NR6A1: variants seen among roughly 807,000 people sequenced by gnomAD.
NR6A1 encodes nuclear receptor subfamily 6 group A member 1.
NR6A1 carries 7 observed loss-of-function variants against 59.1 expected under a neutral mutation model. That is an observed-to-expected ratio of 0.12 (90% CI 0.07 to 0.22). The LOEUF (loss-of-function observed/expected upper bound fraction) is 0.22. Ranked by LOEUF, NR6A1 falls within the 10% of genes least tolerant of loss-of-function variation. NR6A1 has a pLI of 1.00. For synonymous variants in NR6A1, 243 were observed against 236.1 expected, an observed-to-expected ratio of 1.03 and a Z score of -0.27; for missense variants, 468 against 611.6, an observed-to-expected ratio of 0.77 and a Z score of 2.48.
chr9:124,572,546 A>G (rs1834468171), intron 2 of NR6A1, among the ~76,000 whole-genome samples: 1 of 152,228 alleles, frequency 6.6e-6, no homozygotes, highest in Non-Finnish European at 1.5e-5. Flanking sequence ...TTGAGAACAC[A>G]TGAAGAAAGT....
chr9:124,538,280 T>C lies in NR6A1; in HGVS notation c.636A>G (p.Glu212=), dbSNP rs1233839963. 6.2e-7 allele frequency: 1 copy of C among 1,614,054 alleles called. No homozygotes were observed. The highest frequency in any genetic ancestry group is 1.7e-5 in the Admixed American group (1 of 60,006). Residue 212 remains glutamate, a synonymous_variant, in exon 6 of 10, where the codon GAA becomes GAG. Transcript: ENST00000487099. ...VELNGFMAFR[E]QYMGMSVPPH... is the part of the protein sequence containing the mutation. The stretch of plus-strand genomic sequence containing the variant: ...GAGGCACAGACATTCCCATGTACTG[T>C]TCCCTGAAGGCCATGAATCCATTCA...
intron 2 of NR6A1, among the ~76,000 whole-genome samples, chr9:124,724,097 C>T (rs1263958940): frequency 6.6e-6 from 1 of 152,044 alleles, no homozygotes; most frequent in African/African-American, 2.4e-5. Context: ...AATATCCTTC[C>T]GTTAAAAACA....
intron 2 of NR6A1, among the ~76,000 whole-genome samples, chr9:124,665,693 T>C (rs1040828177): frequency 6.6e-6 from 1 of 152,228 alleles, no homozygotes; most frequent in Admixed American, 6.5e-5. Flanking sequence ...CATGCTATAA[T>C]GATCATGATT....
chr9:124,552,170 G>T (rs568541345), intron 3 of NR6A1, among the ~76,000 whole-genome samples: 15 of 152,310 alleles, frequency 9.8e-5, no homozygotes, highest in African/African-American at 3.6e-4. Context: ...AGTCAAGAAG[G>T]CAACCCATAA....
chr9:124,571,198 G>C (rs1834428487), intron 2 of NR6A1, among the ~76,000 whole-genome samples: 1 of 152,210 alleles, frequency 6.6e-6, no homozygotes, highest in South Asian at 2.1e-4. Context: ...TTCAGCCAGA[G>C]GGAAGAGTAC....
intron 2 of NR6A1, chr9:124,607,237 C>A (rs918160097): frequency 6.6e-6 from 1 of 152,196 alleles, no homozygotes; most frequent in African/African-American, 2.4e-5. Flanking sequence ...CCTAGGAGTT[C>A]TGGGCTATAG....
intron 2 of NR6A1, among the ~76,000 whole-genome samples, chr9:124,637,929 CA>C (rs1836662331): frequency 6.7e-6 from 1 of 149,584 alleles, no homozygotes; most frequent in Admixed American, 6.7e-5. Flanking sequence ...AAGGGAACTC[CA>C]AACTAATTGG....
chr9:124,754,214 CCCA>C (rs1840581020), intron 1 of NR6A1, among the ~76,000 whole-genome samples: 1 of 152,170 alleles, frequency 6.6e-6, no homozygotes, highest in Admixed American at 6.5e-5. Flanking sequence ...TTACTACAGT[CCCA>C]CCATTGTGAG....
rs77538352 is a variant in NR6A1 at position 124,702,807 on chromosome 9, G to A, written c.142+30501C>T. On this transcript the variant is annotated intron_variant, in intron 2 of 9. Transcript: ENST00000487099. The stretch of plus-strand genomic sequence containing the variant: ...GGTACCATACCTTGTCTCCAGAACC[G>A]TAAGTCAAATAAACCTCTTCATAAA... 3.5e-3 allele frequency among the ~76,000 whole-genome samples: 527 copies of A among 152,036 alleles called. 17 individuals carry two copies. The East Asian group carries it at 0.084, about 24-fold the overall frequency.
chr9:124,556,212 C>T (rs1393644730), intron 2 of NR6A1, among the ~76,000 whole-genome samples: 2 of 151,986 alleles, frequency 1.3e-5, no homozygotes, highest in African/African-American at 4.8e-5. Context: ...TATGGGTGGG[C>T]CCGAAATACA....
intron 2 of NR6A1, among the ~76,000 whole-genome samples, chr9:124,648,981 T>C (rs768759002): frequency 3.0e-4 from 46 of 152,110 alleles, no homozygotes; most frequent in Non-Finnish European, 5.4e-4. Context: ...AGACATCCCA[T>C]GTTCATAAAG....
At chr9:124,712,957 TTC>T (rs1200160815) in intron 2 of NR6A1, among the ~76,000 whole-genome samples, 3 of 152,222 alleles carry the variant, frequency 2.0e-5, no homozygotes, top group Admixed American at 1.3e-4. Context: ...CAACAGCATT[TTC>T]TCAAGTTGAT....
intron 2 of NR6A1, among the ~76,000 whole-genome samples, chr9:124,709,657 G>C (rs532533935): frequency 6.6e-6 from 1 of 152,162 alleles, no homozygotes; most frequent in East Asian, 1.9e-4. Flanking sequence ...TTTTGCACCA[G>C]GTGGGTTGGC....
intron 2 of NR6A1, among the ~76,000 whole-genome samples, chr9:124,674,486 AAGTATCTATCTT>A (rs544808915): frequency 5.4e-4 from 82 of 152,302 alleles, no homozygotes; most frequent in South Asian, 2.3e-3. Flanking sequence ...GAAAAATAAT[AAGTATCTATCTT>A]ACTGGGTTGT....
chr9:124,699,120 T>A (rs986214781), intron 2 of NR6A1, among the ~76,000 whole-genome samples: 4 of 152,188 alleles, frequency 2.6e-5, no homozygotes, highest in African/African-American at 9.7e-5. Flanking sequence ...CGACTAAATA[T>A]ACCCTCTCCA....
In NR6A1 at chr9:124,589,481, AT is replaced by A. The variant is rs530732217; in HGVS notation, c.143-34912del. Among the ~76,000 whole-genome samples, 102 of 152,292 alleles carry A rather than the reference AT, an allele frequency of 6.7e-4. 2 individuals are homozygous for A. In the East Asian group the frequency reaches 0.012, roughly 17 times the overall value. On this transcript the variant is annotated intron_variant, in intron 2 of 9. Transcript: ENST00000487099. ...AAACAAAAAATAAAAAATAAAAAAA[AT>A]AAACATAAATGCATATGATAGTGTA...
At position 124,540,015 on chromosome 9, in the gene NR6A1, G is replaced by A. The variant is rs1833396942; in HGVS notation, c.596+18C>T. On this transcript the variant is annotated intron_variant, in intron 5 of 9. Transcript: ENST00000487099. Reference sequence around the variant, plus strand: ...GGGGATCCCTAGATGATGACCATGGGTTTGCCTTAAAGCTCACCTGGAAGA... The same window carrying A: ...GGGGATCCCTAGATGATGACCATGGATTTGCCTTAAAGCTCACCTGGAAGA... 1.9e-6 allele frequency: 3 copies of A among 1,561,858 alleles called. No individual in the cohort carries two copies. Among genetic ancestry groups the A allele is most frequent in the South Asian group, 1.2e-5 (1 of 84,496 alleles).
At chr9:124,667,768 T>A (rs1004841793) in intron 2 of NR6A1, among the ~76,000 whole-genome samples, 1 of 152,230 alleles carries the variant, frequency 6.6e-6, no homozygotes, top group African/African-American at 2.4e-5. Context: ...CTGACTGTAG[T>A]GATATACCTT....
chr9:124,588,385 G>GC (rs1834996278), intron 2 of NR6A1, among the ~76,000 whole-genome samples: 1 of 151,894 alleles, frequency 6.6e-6, no homozygotes, highest in Non-Finnish European at 1.5e-5. Flanking sequence ...TCCACTCACT[G>GC]CAAGCTCTGC....
Sources: allele counts gnomAD v4.1 joint callset (sites outside exome capture counted in the v4.1 genomes callset), GRCh38; gene constraint gnomAD v4.1.1; transcripts MANE v1.5; gene names NCBI Gene and HGNC (gene_info 2026-07-23, HGNC 2026-07-21).